Variants in CAST observed in about 807,000 individuals in gnomAD.
CAST encodes MIR583 host.
In CAST, 76 loss-of-function variants were observed where a neutral mutation model predicts 119.6. The ratio of observed to expected loss-of-function variants is 0.64; its 90% confidence interval spans 0.53 to 0.77. The LOEUF is 0.77. Ranked by LOEUF, CAST falls within the 30% of genes least tolerant of loss-of-function variation. The pLI, the probability that CAST is intolerant of heterozygous loss-of-function variation, is 0.00. For missense variants in CAST, 953 were observed against 946.5 expected (o/e 1.01, Z -0.09); for synonymous variants, 319 against 331.6 (o/e 0.96, Z 0.41).
the CAST span, chr5:96,416,236 TTTTG>T: frequency 4.7e-5 from 35 of 742,284 alleles, no homozygotes; most frequent in East Asian, 1.9e-4. Flanking sequence ...TTGTTACTGT[TTTTG>T]TTTGTTTGTT....
chr5:96,018,843 G>A, the CAST span, among the ~76,000 whole-genome samples: 8 of 152,174 alleles, frequency 5.3e-5, no homozygotes, highest in African/African-American at 1.9e-4. Context: ...CACTGTAGTT[G>A]AGAAAGTTAA....
chr5:96,086,104 G>A, the CAST span, among the ~76,000 whole-genome samples: 95,337 of 151,536 alleles, frequency 0.63, 29,995 homozygotes, highest in Middle Eastern at 0.68. Context: ...ATAATCTGTA[G>A]ATTGCTTATA....
the CAST span, chr5:96,392,196 G>A: frequency 6.6e-6 from 1 of 151,808 alleles, no homozygotes; most frequent in Non-Finnish European, 1.5e-5. Flanking sequence ...CTGGGAAAGT[G>A]GTATATATCA....
the CAST span, among the ~76,000 whole-genome samples, chr5:96,499,952 C>A: frequency 6.6e-6 from 1 of 152,138 alleles, no homozygotes; most frequent in Non-Finnish European, 1.5e-5. Context: ...GGGATATTAA[C>A]TGGCCTAATT....
chr5:96,452,749 G>A, the CAST span, among the ~76,000 whole-genome samples: 3 of 144,410 alleles, frequency 2.1e-5, no homozygotes, highest in African/African-American at 7.9e-5. Context: ...AGGAGATCGA[G>A]ACCATCCTGG....
upstream of CAST, among the ~76,000 whole-genome samples, chr5:96,661,721 A>G (rs1185171713): frequency 6.6e-6 from 1 of 152,230 alleles, no homozygotes; most frequent in African/African-American, 2.4e-5. Context: ...CTCTAGAAAG[A>G]CTATAAGGGT....
intron 1 of CAST, among the ~76,000 whole-genome samples, chr5:96,674,876 T>C (rs1177767362): frequency 6.6e-6 from 1 of 152,226 alleles, no homozygotes; most frequent in East Asian, 1.9e-4. Flanking sequence ...TTAACCTGAT[T>C]TGATCATTAC....
At chr5:96,417,448 C>T in the CAST span, among the ~76,000 whole-genome samples, 1 of 151,784 alleles carries the variant, frequency 6.6e-6, no homozygotes, top group African/African-American at 2.4e-5. Context: ...ATCATGGGGC[C>T]CCTCCTCTCA....
chr5:96,378,708 A>G, the CAST span, among the ~76,000 whole-genome samples: 1 of 152,180 alleles, frequency 6.6e-6, no homozygotes, highest in Middle Eastern at 3.4e-3. Flanking sequence ...CATACTGCAA[A>G]TTGCCGTAAA....
chr5:96,108,452 C>G, the CAST span, among the ~76,000 whole-genome samples: 33 of 150,624 alleles, frequency 2.2e-4, no homozygotes, highest in African/African-American at 7.2e-4. Flanking sequence ...AGACAGGACC[C>G]TCAGCTGCAA....
the CAST span, among the ~76,000 whole-genome samples, chr5:96,124,183 A>C: frequency 6.6e-6 from 1 of 151,866 alleles, no homozygotes. Context: ...TGTTTGTTTT[A>C]TTTTATCTTC....
At chr5:96,236,629 G>A in the CAST span, among the ~76,000 whole-genome samples, 1 of 152,222 alleles carries the variant, frequency 6.6e-6, no homozygotes, top group African/African-American at 2.4e-5. Context: ...AAATGCACGT[G>A]AAAGCATTTC....
chr5:96,770,469 C>T (rs2150788168), intron 29 of CAST, 62 bp from the exon 30 acceptor site: 2 of 979,704 alleles, frequency 2.0e-6, no homozygotes, highest in East Asian at 2.4e-5. Context: ...TTAACTGCAG[C>T]CTAGTTAATT....
chr5:96,768,064 G>C (rs559318007), intron 29 of CAST, 65 bp downstream of exon 29: 309 of 1,028,148 alleles, frequency 3.0e-4, no homozygotes, highest in Non-Finnish European at 4.5e-4. Context: ...ATACATATAA[G>C]TTTTATTTAT....
At chr5:95,966,846 A>G in the CAST span, among the ~76,000 whole-genome samples, 1 of 152,152 alleles carries the variant, frequency 6.6e-6, no homozygotes, top group Non-Finnish European at 1.5e-5. Flanking sequence ...TTGGAGGCAA[A>G]AGGACTCAGA....
Position 96,602,239 on chromosome 5 carries a change from G to T in CAST, c.60+72359G>T, listed in dbSNP as rs527854402. The stretch of plus-strand genomic sequence containing the variant: ...AAGTGTACATAGCTAATGTTATACT[G>T]CTATCTCAACAATAATTCCATGCAG... On this transcript the variant is annotated intron_variant, in intron 1 of 11. Coordinates refer to the CAST transcript ENST00000505143. Among the ~76,000 whole-genome samples, 227 of 152,272 alleles carry T rather than the reference G, an allele frequency of 1.5e-3. 1 individual carries two copies. Among genetic ancestry groups the T allele is most frequent in the African/African-American group, 5.1e-3 (212 of 41,550 alleles).
the CAST span, among the ~76,000 whole-genome samples, chr5:96,470,643 A>G: frequency 6.6e-6 from 1 of 152,082 alleles, no homozygotes; most frequent in Non-Finnish European, 1.5e-5. Flanking sequence ...AATTTATTTT[A>G]GGAATGGCAT....
Position 96,664,634 on chromosome 5 carries a change from C to A in CAST, c.75+2137C>A, listed in dbSNP as rs191608439. Among the ~76,000 whole-genome samples, 34 of 152,248 alleles carry A rather than the reference C, an allele frequency of 2.2e-4. No individual in the cohort carries two copies. The East Asian group carries it at 6.4e-3, about 28-fold the overall frequency. On this transcript the variant is annotated intron_variant, in intron 1 of 31. Coordinates refer to ENST00000675179, the MANE Select transcript of CAST (RefSeq NM_001750.7). ...TTTTCTCAAATGGAAATAAGTCAACCTTTTCAACCTGTTTTCACATGTGTA... is the reference window on the plus strand; with the variant it reads ...TTTTCTCAAATGGAAATAAGTCAACATTTTCAACCTGTTTTCACATGTGTA...
the CAST span, among the ~76,000 whole-genome samples, chr5:96,244,181 A>C: frequency 6.6e-6 from 1 of 152,176 alleles, no homozygotes; most frequent in Non-Finnish European, 1.5e-5. Flanking sequence ...TTCCAGTTCT[A>C]TGAGCTTCCT....
Sources: gnomAD v4.1 joint callset for allele counts (sites outside exome capture counted in the v4.1 genomes callset) on GRCh38, gnomAD v4.1.1 for gene constraint, MANE v1.5 for transcripts, NCBI Gene and HGNC (gene_info 2026-07-23, HGNC 2026-07-21) for gene names.